IMMP2L: variants seen among roughly 807,000 people sequenced by gnomAD.
IMMP2L encodes inner mitochondrial membrane peptidase subunit 2.
IMMP2L carries 18 observed loss-of-function variants against 19.3 expected under a neutral mutation model. The observed-to-expected ratio is 0.93, with a 90% CI of 0.64 to 1.38. The LOEUF is 1.38. Among genes scored for constraint, IMMP2L ranks in the 40% most tolerant of loss-of-function variants. The probability of loss-of-function intolerance (pLI) is 0.00; values close to 1 mark genes in which losing one functional copy is unlikely to be tolerated. For synonymous variants in IMMP2L, 76 were observed against 73.0 expected (o/e 1.04, Z -0.21); for missense variants, 233 against 218.2 (o/e 1.07, Z -0.43).
intron 3 of IMMP2L, among the ~76,000 whole-genome samples, chr7:111,043,967 C>T (rs1403332365): frequency 5.3e-5 from 8 of 152,274 alleles, no homozygotes; most frequent in African/African-American, 1.4e-4. Flanking sequence ...CCGAAAGATA[C>T]TGACCCTTTA....
chr7:110,703,663 T>A lies in IMMP2L; in HGVS notation c.409-39942A>T, dbSNP rs1444203995. On this transcript the variant is annotated intron_variant, in intron 5 of 5. Transcript: ENST00000405709. ...ATGGGGAACAAAGAAATTCACAGTA[T>A]CATTGGAAGCAGAATACTGTGTTCA... Among the ~76,000 whole-genome samples the A allele has an allele frequency of 2.0e-5, 3 of 152,138 alleles. No individual in the cohort carries two copies. The East Asian group carries it at 5.8e-4, about 29-fold the overall frequency.
chr7:111,160,671 A>G (rs900673731), intron 3 of IMMP2L, among the ~76,000 whole-genome samples: 4 of 151,670 alleles, frequency 2.6e-5, no homozygotes, highest in Non-Finnish European at 5.9e-5. Flanking sequence ...TAAAGTAAAA[A>G]TAAAGGTAAT....
intron 1 of IMMP2L, among the ~76,000 whole-genome samples, chr7:111,521,749 T>C (rs528040389): frequency 4.1e-4 from 62 of 152,250 alleles, no homozygotes; most frequent in Non-Finnish European, 7.5e-4. Context: ...TAAATTCTTT[T>C]CTGTTGCTAT....
intron 3 of IMMP2L, among the ~76,000 whole-genome samples, chr7:111,177,725 C>G (rs982107680): frequency 2.0e-5 from 3 of 151,982 alleles, no homozygotes; most frequent in Admixed American, 6.6e-5. Context: ...CCAAGACAAG[C>G]CTTTGCCCTA....
At chr7:111,174,766 G>A (rs1186797999) in intron 3 of IMMP2L, among the ~76,000 whole-genome samples, 2 of 151,758 alleles carry the variant, frequency 1.3e-5, no homozygotes, top group Non-Finnish European at 2.9e-5. Context: ...TGCTGAGAAA[G>A]AATCTGAAAG....
intron 3 of IMMP2L, among the ~76,000 whole-genome samples, chr7:111,470,781 C>G (rs1423909823): frequency 6.7e-6 from 1 of 149,272 alleles, no homozygotes; most frequent in Admixed American, 6.7e-5. Context: ...TGCTAAATGA[C>G]GAGTTAATGG....
intron 5 of IMMP2L, among the ~76,000 whole-genome samples, chr7:110,772,965 T>C (rs1025747347): frequency 2.0e-5 from 3 of 152,164 alleles, no homozygotes; most frequent in Admixed American, 6.6e-5. Context: ...TTTTTTTCCC[T>C]TTGTCCTTTC....
intron 1 of IMMP2L, among the ~76,000 whole-genome samples, chr7:111,554,405 C>T (rs975748286): frequency 6.6e-6 from 1 of 152,082 alleles, no homozygotes. Flanking sequence ...CAAGCCCCTT[C>T]TGCTGCTATC....
chr7:111,445,591 T>G (rs1013710746), intron 3 of IMMP2L, among the ~76,000 whole-genome samples: 2 of 152,130 alleles, frequency 1.3e-5, no homozygotes, highest in Admixed American at 1.3e-4. Flanking sequence ...ACATGGGCAT[T>G]CTCAAATATA....
chr7:111,126,879 A>G (rs1049860851), intron 3 of IMMP2L, among the ~76,000 whole-genome samples: 3 of 152,314 alleles, frequency 2.0e-5, no homozygotes, highest in Middle Eastern at 3.4e-3. Flanking sequence ...TTTTCTTACA[A>G]TAGCTTTCTG....
chr7:111,428,425 T>C (rs148647017), intron 3 of IMMP2L, among the ~76,000 whole-genome samples: 2 of 151,834 alleles, frequency 1.3e-5, no homozygotes, highest in East Asian at 3.9e-4. Flanking sequence ...ACTAAAATGG[T>C]TCCTTACTGC....
chr7:111,053,389 C>A (rs1793194074), intron 3 of IMMP2L, among the ~76,000 whole-genome samples: 1 of 152,108 alleles, frequency 6.6e-6, no homozygotes, highest in Non-Finnish European at 1.5e-5. Flanking sequence ...TCTTTCCTTA[C>A]CAGTCAAATG....
At chr7:111,445,411 AACATACATACATACAT>A (rs568084274) in intron 3 of IMMP2L, among the ~76,000 whole-genome samples, 192 of 152,090 alleles carry the variant, frequency 1.3e-3, no homozygotes, top group African/African-American at 4.4e-3. Flanking sequence ...AATAGACACA[AACATACATACATACAT>A]ACATACATAC....
At chr7:110,886,477 C>T (rs192814725) in intron 5 of IMMP2L, 116 bp downstream of exon 5, 321 of 633,020 alleles carry the variant, frequency 5.1e-4, no homozygotes, top group Non-Finnish European at 6.0e-4. Flanking sequence ...ATAAACTATT[C>T]CAGTATAAAT....
chr7:110,898,855 C>T (rs1365506312), intron 4 of IMMP2L, among the ~76,000 whole-genome samples: 2 of 149,456 alleles, frequency 1.3e-5, no homozygotes, highest in Non-Finnish European at 3.0e-5. Context: ...TCTACACAGT[C>T]ATTACAATAA....
intron 3 of IMMP2L, among the ~76,000 whole-genome samples, chr7:111,132,805 G>A (rs1801973320): frequency 6.6e-6 from 1 of 151,966 alleles, no homozygotes; most frequent in Admixed American, 6.6e-5. Context: ...CATAGAGGAA[G>A]GTGATCATCT....
intron 3 of IMMP2L, among the ~76,000 whole-genome samples, chr7:111,040,117 G>A (rs142554433): frequency 8.5e-5 from 13 of 152,218 alleles, no homozygotes; most frequent in East Asian, 5.8e-4. Flanking sequence ...TGCAGTGAGC[G>A]GAGATTGCGC....
At chr7:111,447,727 T>C (rs1838650779) in intron 3 of IMMP2L, among the ~76,000 whole-genome samples, 1 of 151,198 alleles carries the variant, frequency 6.6e-6, no homozygotes, top group Non-Finnish European at 1.5e-5. Context: ...TAAATGTAAA[T>C]GGACTAAATT....
intron 3 of IMMP2L, among the ~76,000 whole-genome samples, chr7:111,412,345 T>C (rs959317343): frequency 6.6e-6 from 1 of 151,546 alleles, no homozygotes; most frequent in Admixed American, 6.6e-5. Flanking sequence ...CACCCAACAA[T>C]AGCAGAATAC....
Sources: allele counts gnomAD v4.1 joint callset (sites outside exome capture counted in the v4.1 genomes callset), GRCh38; gene constraint gnomAD v4.1.1; transcripts MANE v1.5; gene names NCBI Gene and HGNC (gene_info 2026-07-23, HGNC 2026-07-21).